The following SLC14A2 variants were observed in gnomAD, a reference collection of about 807,000 sequenced individuals.
SLC14A2 encodes urea transporter 2.
In SLC14A2, 91 loss-of-function variants were observed where a neutral mutation model predicts 104.6. The observed-to-expected ratio is 0.87, with a 90% CI of 0.73 to 1.04. SLC14A2 has a LOEUF of 1.04. Ranked by LOEUF, SLC14A2 falls within the 50% of genes least tolerant of loss-of-function variation. The pLI, the probability that SLC14A2 is intolerant of heterozygous loss-of-function variation, is 0.00. For synonymous variants in SLC14A2, 476 were observed against 466.4 expected, an observed-to-expected ratio of 1.02 and a Z score of -0.27; for missense variants, 1,189 against 1,156.0, an observed-to-expected ratio of 1.03 and a Z score of -0.41.
chr18:45,565,704 C>T lies in SLC14A2; in HGVS notation c.-34-58927C>T, dbSNP rs561659795. 4.6e-5 allele frequency among the ~76,000 whole-genome samples: 7 copies of T among 152,336 alleles called. No homozygotes were observed. In the East Asian group the frequency reaches 1.4e-3, roughly 29 times the overall value. On this transcript the variant is annotated intron_variant, in intron 2 of 20. Transcript: ENST00000586448. Reference sequence around the variant, plus strand: ...TTCCCAGCACACGCATCGGCTCCTACCCACATACAGCCAGGGCTGAATCAG... The same window carrying T: ...TTCCCAGCACACGCATCGGCTCCTATCCACATACAGCCAGGGCTGAATCAG...
At chr18:45,424,796 C>T (rs543655220) in intron 1 of SLC14A2, among the ~76,000 whole-genome samples, 55 of 152,342 alleles carry the variant, frequency 3.6e-4, no homozygotes, top group Non-Finnish European at 7.8e-4. Flanking sequence ...TAGTCACAGG[C>T]CTTTTCCAAC....
At chr18:45,592,410 A>G (rs2044661264) in intron 2 of SLC14A2, among the ~76,000 whole-genome samples, 1 of 152,136 alleles carries the variant, frequency 6.6e-6, no homozygotes, top group South Asian at 2.1e-4. Context: ...AACTGGTTGC[A>G]TTTCCACCTG....
intron 1 of SLC14A2, among the ~76,000 whole-genome samples, chr18:45,416,700 T>C (rs2086281572): frequency 6.6e-6 from 1 of 152,190 alleles, no homozygotes; most frequent in Non-Finnish European, 1.5e-5. Flanking sequence ...TAACATGATA[T>C]AAGTAAAATG....
chr18:45,639,946 C>T lies in SLC14A2; in HGVS notation c.991+53C>T. On this transcript the variant is annotated intron_variant, in intron 7 of 19. Transcript: ENST00000255226. ...CCTCAGGATAATTCACTCAAGGTCACTTTTCCCCTACATACAGCAAATCTT... is the reference window on the plus strand; with the variant it reads ...CCTCAGGATAATTCACTCAAGGTCATTTTTCCCCTACATACAGCAAATCTT... The T allele has an allele frequency of 3.3e-6, 5 of 1,528,990 alleles. No individual in the cohort carries two copies. The East Asian group carries it at 1.1e-4, about 35-fold the overall frequency. The allele number at this position is 1,528,990 out of a possible 1,614,324, so 94.7% of individuals were successfully genotyped here. A position where few individuals can be genotyped will look rare whatever the true frequency, so the allele number is the denominator to read the frequency against.
intron 2 of SLC14A2, among the ~76,000 whole-genome samples, chr18:45,498,698 C>T (rs1278328786): frequency 1.3e-5 from 2 of 152,278 alleles, no homozygotes; most frequent in East Asian, 3.9e-4. Flanking sequence ...CAGCTGGTCT[C>T]TCCCTTTCAA....
intron 1 of SLC14A2, among the ~76,000 whole-genome samples, chr18:45,345,213 T>C (rs1360315098): frequency 6.6e-6 from 1 of 152,214 alleles, no homozygotes; most frequent in Non-Finnish European, 1.5e-5. Flanking sequence ...GCCATGAGAA[T>C]AGTCTCAGAG....
At position 45,641,395 on chromosome 18, in the gene SLC14A2, C is replaced by A. The variant is rs767762790; in HGVS notation, c.1126+52C>A. The A allele has an allele frequency of 1.4e-5, 22 of 1,605,528 alleles. No homozygotes were observed. The East Asian group carries it at 3.8e-4, about 28-fold the overall frequency. Reference sequence around the variant, plus strand: ...AGGTTATTCTGGCTATTCCTTCCCCCCTTGTTTATGTGAAACCCATGGGGA... The same window carrying A: ...AGGTTATTCTGGCTATTCCTTCCCCACTTGTTTATGTGAAACCCATGGGGA... On this transcript the variant is annotated intron_variant, in intron 8 of 19. Transcript: ENST00000255226.
chr18:45,673,051 T>C lies in SLC14A2; in HGVS notation c.2377+4T>C, dbSNP rs760314129. The C allele has an allele frequency of 6.8e-6, 11 of 1,613,386 alleles. No individual in the cohort carries two copies. The highest frequency in any genetic ancestry group is 3.3e-5 in the Admixed American group (2 of 59,954). On this transcript the variant is annotated splice_donor_region_variant and intron_variant, in intron 17 of 19. Coordinates refer to ENST00000255226, the MANE Select transcript of SLC14A2 (RefSeq NM_007163.4). ...TCCACCATGGGGATGCTAGCAGGTCTGTGTCCTCACTTCCCTGGGCTGTGA... is the reference window on the plus strand; with the variant it reads ...TCCACCATGGGGATGCTAGCAGGTCCGTGTCCTCACTTCCCTGGGCTGTGA...
intron 2 of SLC14A2, among the ~76,000 whole-genome samples, chr18:45,601,562 G>C (rs1174674934): frequency 6.6e-6 from 1 of 152,204 alleles, no homozygotes; most frequent in African/African-American, 2.4e-5. Flanking sequence ...CTTTGACTTT[G>C]TCATCTTAAT....
At chr18:45,325,663 G>A (rs553727087) in intron 1 of SLC14A2, among the ~76,000 whole-genome samples, 4 of 152,030 alleles carry the variant, frequency 2.6e-5, no homozygotes, top group Admixed American at 6.5e-5. Flanking sequence ...TTTGATCCTC[G>A]TAACAGCCGT....
At chr18:45,287,763 G>A (rs751570651) in intron 1 of SLC14A2, among the ~76,000 whole-genome samples, 10 of 152,134 alleles carry the variant, frequency 6.6e-5, no homozygotes, top group African/African-American at 2.2e-4. Context: ...CGAGCCATTC[G>A]GGCAGCATTC....
chr18:45,189,242 C>A, the SLC14A2 span, among the ~76,000 whole-genome samples: 1 of 152,132 alleles, frequency 6.6e-6, no homozygotes, highest in Non-Finnish European at 1.5e-5. Flanking sequence ...GAGTTCAAAT[C>A]CAGACTCAAT....
chr18:45,222,639 C>A (rs921787012), intron 1 of SLC14A2, among the ~76,000 whole-genome samples: 1 of 152,020 alleles, frequency 6.6e-6, no homozygotes, highest in Non-Finnish European at 1.5e-5. Flanking sequence ...AACAAGAAGG[C>A]AGAGGTGAGA....
At chr18:45,182,930 AT>A in the SLC14A2 span, among the ~76,000 whole-genome samples, 23 of 152,174 alleles carry the variant, frequency 1.5e-4, no homozygotes, top group Admixed American at 3.9e-4. Flanking sequence ...TTGCCAAGAA[AT>A]TTTTTTTAAA....
chr18:45,172,053 G>A, the SLC14A2 span, among the ~76,000 whole-genome samples: 7 of 152,246 alleles, frequency 4.6e-5, no homozygotes, highest in African/African-American at 1.7e-4. Flanking sequence ...AATCTTCCAT[G>A]TGTATCAATG....
intron 1 of SLC14A2, among the ~76,000 whole-genome samples, chr18:45,340,489 C>G (rs570111686): frequency 6.6e-6 from 1 of 152,178 alleles, no homozygotes; most frequent in African/African-American, 2.4e-5. Context: ...AATTTGTTGT[C>G]CTGATTATGA....
At chr18:45,199,346 C>G in the SLC14A2 span, among the ~76,000 whole-genome samples, 1 of 151,844 alleles carries the variant, frequency 6.6e-6, no homozygotes, top group Non-Finnish European at 1.5e-5. Context: ...GTATTTTTTT[C>G]TTCTAAAATT....
At chr18:45,383,555 T>G (rs2543017) in intron 1 of SLC14A2, among the ~76,000 whole-genome samples, 80,187 of 152,094 alleles carry the variant, frequency 0.53, 25,683 homozygotes, top group East Asian at 0.86. Context: ...CTGATAGCCC[T>G]CAACATTTTC....
intron 2 of SLC14A2, among the ~76,000 whole-genome samples, chr18:45,521,485 A>G (rs1322072980): frequency 6.6e-6 from 1 of 152,196 alleles, no homozygotes; most frequent in African/African-American, 2.4e-5. Context: ...AGAAAGGTAC[A>G]AAAAAGACTT....
Sources: allele counts gnomAD v4.1 joint callset (sites outside exome capture counted in the v4.1 genomes callset), GRCh38; gene constraint gnomAD v4.1.1; transcripts MANE v1.5; gene names NCBI Gene and HGNC (gene_info 2026-07-23, HGNC 2026-07-21).